CEP41: variants seen among roughly 807,000 people sequenced by gnomAD.
The protein encoded by CEP41 is centrosomal protein of 41 kDa.
Under a neutral mutation model 44.3 loss-of-function variants are expected in CEP41, and 32 were observed. The ratio of observed to expected loss-of-function variants is 0.72; its 90% CI spans 0.54 to 0.97. CEP41 has a LOEUF of 0.97. Ranked by LOEUF, CEP41 falls within the 50% of genes least tolerant of loss-of-function variation. CEP41 has a pLI of 0.00. For missense variants in CEP41, 432 were observed against 455.2 expected (o/e 0.95, Z 0.46); for synonymous variants, 151 against 168.5 (o/e 0.90, Z 0.80).
rs1562972742 is a variant in CEP41 at position 130,396,409 on chromosome 7, T to TA, written c.*2481dup. On this transcript the variant is annotated 3_prime_UTR_variant, in exon 11 of 11. Coordinates refer to ENST00000223208, the MANE Select transcript of CEP41 (RefSeq NM_018718.3). ...GATTTCCTGATTCATTTATTTTTTT[T>TA]AAAAAATGCTTTCCTAGGAGATGCA... The TA allele has an allele frequency of 2.2e-6, 1 of 454,266 alleles. No individual in the cohort carries two copies. Among genetic ancestry groups the TA allele is most frequent in the East Asian group, 6.9e-5 (1 of 14,396 alleles). The allele number at this position is 454,266 out of a possible 1,614,324, so 28.1% of individuals were successfully genotyped here.
rs570893232 is a variant in CEP41, at chr7:130,417,778, G to T, written c.98-812C>A. ...AGGAAGCTCTTTCTGTCACCTAAAAGGTATGGCAAAAGGAAAACATTCAAA... is the reference window on the plus strand; with the variant it reads ...AGGAAGCTCTTTCTGTCACCTAAAATGTATGGCAAAAGGAAAACATTCAAA... On this transcript the variant is annotated intron_variant, in intron 2 of 10. Transcript: ENST00000223208. Among the ~76,000 whole-genome samples, 17 of 152,254 alleles carry T rather than the reference G, an allele frequency of 1.1e-4. No individual in the cohort carries two copies. The South Asian group carries it at 3.5e-3, about 32-fold the overall frequency.
chr7:130,399,113 G>A (rs927859754), intron 10 of CEP41, 74 bp from the exon 11 acceptor site: 9 of 1,575,178 alleles, frequency 5.7e-6, no homozygotes, highest in Non-Finnish European at 6.9e-6. Flanking sequence ...ACAGTTTTAA[G>A]CTAATGAAGT....
intron 1 of CEP41, chr7:130,440,441 G>A: frequency 4.4e-6 from 1 of 229,556 alleles, no homozygotes; most frequent in Admixed American, 5.2e-5. Flanking sequence ...GGGACTAGCG[G>A]TGAAACAGAT....
chr7:130,432,758 TA>T (rs1393797329), intron 1 of CEP41, among the ~76,000 whole-genome samples: 1 of 150,354 alleles, frequency 6.7e-6, no homozygotes, highest in Non-Finnish European at 1.5e-5. Context: ...ACACTCTCAC[TA>T]AAAAAAAACC....
chr7:130,400,865 T>C, intron 8 of CEP41, 44 bp from the exon 9 acceptor site: 3 of 1,262,928 alleles, frequency 2.4e-6, no homozygotes, highest in Non-Finnish European at 3.4e-6. Flanking sequence ...TGGGCTGATG[T>C]CCCAAGACTA....
At chr7:130,400,437 T>A (rs1188012440) in intron 9 of CEP41, 183 bp from the exon 10 acceptor site, 1 of 658,206 alleles carries the variant, frequency 1.5e-6, no homozygotes, top group Admixed American at 2.3e-5. Context: ...TGTTGTTACA[T>A]GGGATTCTGA....
chr7:130,439,805 C>T (rs1207052156), intron 1 of CEP41, among the ~76,000 whole-genome samples: 1 of 152,126 alleles, frequency 6.6e-6, no homozygotes, highest in Admixed American at 6.5e-5. Flanking sequence ...GGGGCCTGTT[C>T]TGAGTTCACA....
In CEP41 at chr7:130,395,555, C is replaced by A. The variant is rs1554414141; in HGVS notation, c.*3336G>T. On this transcript the variant is annotated 3_prime_UTR_variant, in exon 11 of 11. Transcript: ENST00000223208. ...AACTAATTATTCGCTCTAAAAAAGT[C>A]AGATAACATAAAAGACAGAATCTAT... is the stretch of plus-strand genomic sequence containing the variant. 4.4e-6 allele frequency: 2 copies of A among 453,908 alleles called. No individual in the cohort carries two copies. The highest frequency in any genetic ancestry group is 2.0e-5 in the African/African-American group (1 of 49,968). The allele number at this position is 453,908 out of a possible 1,614,324, so 28.1% of individuals were successfully genotyped here. A position where few individuals can be genotyped will look rare whatever the true frequency, so the allele number is the denominator to read the frequency against.
Position 130,405,229 on chromosome 7 carries a change from C to T in CEP41, c.278-521G>A, listed in dbSNP as rs117018077. On this transcript the variant is annotated intron_variant, in intron 5 of 10. Transcript: ENST00000223208. ...CCACATACATCACGTTTGCTACATA[C>T]CAAATTACCAGGGTTATCTCAAGGA... Among the ~76,000 whole-genome samples the T allele has an allele frequency of 7.4e-4, 112 of 152,226 alleles. 1 individual carries two copies. The East Asian group carries it at 0.021, about 29-fold the overall frequency.
In CEP41 at chr7:130,404,662, C is replaced by A. The variant is rs1796954086; in HGVS notation, c.324G>T (p.Arg108Ser). 3 of 1,612,700 alleles carry A rather than the reference C, an allele frequency of 1.9e-6. No homozygotes were observed. The highest frequency in any genetic ancestry group is 2.5e-6 in the Non-Finnish European group (3 of 1,178,882). Reference sequence around the variant, plus strand: ...CACCTGGATTTCCTTTCCCATTGGTCCTGGCAGTGGTTTCAGCATCAGGGT... The same window carrying A: ...CACCTGGATTTCCTTTCCCATTGGTACTGGCAGTGGTTTCAGCATCAGGGT... ...ASDPDAETTARTNGKGNPGEQ... is the reference protein window; with the variant it reads ...ASDPDAETTASTNGKGNPGEQ... The change falls in exon 6 of 11, where the codon AGG (arginine) becomes AGT (serine). Residue 108 changes from arginine (R) to serine (S), a missense_variant. By Grantham distance (110) the Arg-to-Ser change is moderately radical. Coordinates refer to ENST00000223208, the MANE Select transcript of CEP41 (RefSeq NM_018718.3).
intron 2 of CEP41, 142 bp downstream of exon 2, chr7:130,427,813 G>A (rs1163633469): frequency 6.4e-6 from 4 of 622,798 alleles, no homozygotes; most frequent in East Asian, 5.6e-5. Context: ...ATCTTTCAAG[G>A]ATAAATCCTG....
At chr7:130,422,012 G>A (rs1797524109) in intron 2 of CEP41, 1 of 1,535,764 alleles carries the variant, frequency 6.5e-7, no homozygotes, top group Non-Finnish European at 8.7e-7. Context: ...AGGCACCTAT[G>A]GAACAAAAGA....
chr7:130,440,776 A>AT, intron 1 of CEP41, 158 bp downstream of exon 1: 48 of 567,104 alleles, frequency 8.5e-5, no homozygotes, highest in Middle Eastern at 5.6e-4. Flanking sequence ...GCGGCCCCCA[A>AT]GCCCGGCCCG....
At chr7:130,439,524 G>A (rs1429055684) in intron 1 of CEP41, among the ~76,000 whole-genome samples, 5 of 151,844 alleles carry the variant, frequency 3.3e-5, no homozygotes, top group African/African-American at 1.2e-4. Flanking sequence ...TCCCATTTCT[G>A]CCCTCCTTCC....
At chr7:130,419,950 TACACACAC>T (rs138793861) in intron 2 of CEP41, 147 of 969,794 alleles carry the variant, frequency 1.5e-4, no homozygotes, top group Middle Eastern at 5.3e-4. Context: ...TATGGGCACG[TACACACAC>T]ACACACACAC....
chr7:130,397,081 C>T lies in CEP41; in HGVS notation c.*1810G>A, dbSNP rs1554414986. ...TGGCAAAAATGGCTGAAAATCTTGT[C>T]CATGCTAGGGGAAAGCTGAGTGTGG... On this transcript the variant is annotated 3_prime_UTR_variant, in exon 11 of 11. Coordinates refer to ENST00000223208, the MANE Select transcript of CEP41 (RefSeq NM_018718.3). The T allele has an allele frequency of 2.2e-6, 1 of 454,420 alleles. No individual in the cohort carries two copies. The highest frequency in any genetic ancestry group is 2.3e-5 in the Admixed American group (1 of 42,562). 28.1% of individuals were successfully genotyped at this position (454,420 alleles called of 1,614,324 possible). A position where few individuals can be genotyped will look rare whatever the true frequency, so the allele number is the denominator to read the frequency against.
At chr7:130,434,805 C>A (rs976838244) in intron 1 of CEP41, among the ~76,000 whole-genome samples, 12 of 151,932 alleles carry the variant, frequency 7.9e-5, no homozygotes, top group African/African-American at 2.9e-4. Context: ...TATATGGGAG[C>A]AGATGTCTAT....
intron 1 of CEP41, among the ~76,000 whole-genome samples, chr7:130,438,437 T>G (rs1478081371): frequency 2.6e-5 from 4 of 152,086 alleles, no homozygotes; most frequent in African/African-American, 7.2e-5. Flanking sequence ...GTGTGCGCCA[T>G]AGTCTCAGCT....
In CEP41 at chr7:130,394,322, T is replaced by C. The variant is rs1796600768; in HGVS notation, c.*4569A>G. The stretch of plus-strand genomic sequence containing the variant: ...GAACCTCAGTCTCCTCATCTGAAAA[T>C]GGGGGTGCCTGCCTCATCAGACTGT... On this transcript the variant is annotated 3_prime_UTR_variant, in exon 11 of 11. Coordinates refer to ENST00000223208, the MANE Select transcript of CEP41 (RefSeq NM_018718.3). The C allele has an allele frequency of 2.2e-6, 1 of 453,896 alleles. No individual in the cohort carries two copies. Among genetic ancestry groups the C allele is most frequent in the South Asian group, 1.6e-5 (1 of 64,476 alleles). 28.1% of individuals were successfully genotyped at this position (453,896 alleles called of 1,614,324 possible).
Sources: gnomAD v4.1 joint callset for allele counts (sites outside exome capture counted in the v4.1 genomes callset) on GRCh38, gnomAD v4.1.1 for gene constraint, MANE v1.5 for transcripts, NCBI Gene and HGNC (gene_info 2026-07-23, HGNC 2026-07-21) for gene names.